The following ACSM3 variants were observed in gnomAD, a reference collection of about 807,000 sequenced individuals.
The protein encoded by ACSM3 is acyl-CoA synthetase medium chain family member 3, also known as acyl-coenzyme A synthetase ACSM3, mitochondrial.
Under a neutral mutation model 74.1 loss-of-function variants are expected in ACSM3, and 61 were observed. The ratio of observed to expected loss-of-function variants is 0.82; its 90% CI spans 0.67 to 1.02. The LOEUF (loss-of-function observed/expected upper bound fraction) is 1.02, where lower values mean the gene tolerates loss of function less well. Among genes scored for constraint, ACSM3 ranks in the 50% least tolerant of loss-of-function variants. ACSM3 has a pLI of 0.00. For synonymous variants in ACSM3, 213 were observed against 241.5 expected, an observed-to-expected ratio of 0.88 and a Z score of 1.09; for missense variants, 660 against 697.0, an observed-to-expected ratio of 0.95 and a Z score of 0.60.
At chr16:20,675,294 G>A (rs1229862832) in intron 1 of ACSM3, among the ~76,000 whole-genome samples, 2 of 152,178 alleles carry the variant, frequency 1.3e-5, no homozygotes, top group Non-Finnish European at 2.9e-5. Context: ...GGTCTCAGGA[G>A]AGGCCAATGC....
intron 1 of ACSM3, among the ~76,000 whole-genome samples, chr16:20,709,574 T>C (rs2079737900): frequency 6.6e-6 from 1 of 152,266 alleles, no homozygotes; most frequent in Non-Finnish European, 1.5e-5. Flanking sequence ...CCACGGATAC[T>C]AATTATTTAT....
chr16:20,788,065 T>C (rs1046948903), intron 9 of ACSM3, among the ~76,000 whole-genome samples: 1 of 152,208 alleles, frequency 6.6e-6, no homozygotes, highest in Non-Finnish European at 1.5e-5. Flanking sequence ...ATGGGTACTG[T>C]TATTTACTTC....
intron 1 of ACSM3, among the ~76,000 whole-genome samples, chr16:20,696,882 G>C (rs543670472): frequency 6.6e-6 from 1 of 152,204 alleles, no homozygotes; most frequent in African/African-American, 2.4e-5. Flanking sequence ...GTTTGTCTCT[G>C]TTGTCTAGCA....
intron 1 of ACSM3, among the ~76,000 whole-genome samples, chr16:20,689,717 C>T (rs1348707429): frequency 1.3e-5 from 2 of 152,184 alleles, no homozygotes; most frequent in East Asian, 3.8e-4. Flanking sequence ...CATTCACCTC[C>T]TCCTTTTACT....
intron 1 of ACSM3, chr16:20,741,506 T>A: frequency 9.2e-6 from 3 of 327,702 alleles, no homozygotes; most frequent in Admixed American, 5.2e-5. Context: ...CCGGGACCGG[T>A]ACCTTTTCTG....
At chr16:20,793,742 T>TG (rs2080657156) in intron 12 of ACSM3, among the ~76,000 whole-genome samples, 1 of 152,164 alleles carries the variant, frequency 6.6e-6, no homozygotes, top group South Asian at 2.1e-4. Context: ...CAGTCAGTGA[T>TG]TATTGGCTTG....
At chr16:20,738,496 G>A (rs11074472) in intron 1 of ACSM3, among the ~76,000 whole-genome samples, 10 of 151,988 alleles carry the variant, frequency 6.6e-5, no homozygotes, top group African/African-American at 1.2e-4. Flanking sequence ...GGGCTGCTCC[G>A]AAAATTTGTA....
chr16:20,696,533 T>G (rs1228034307), intron 1 of ACSM3, among the ~76,000 whole-genome samples: 1 of 152,234 alleles, frequency 6.6e-6, no homozygotes, highest in Non-Finnish European at 1.5e-5. Context: ...TCTCAAGTAT[T>G]TACTATAGAT....
chr16:20,690,895 G>A lies in ACSM3; in HGVS notation c.-190+16073G>A, dbSNP rs181929869. On this transcript the variant is annotated intron_variant, in intron 1 of 3. Coordinates refer to the ACSM3 transcript ENST00000561584. ...TCTTCCACAACACTGATAAGTTGAG[G>A]CAGAAGTAACTTTGGTTCCATACCT... 3 of 1,130,332 alleles carry A rather than the reference G, an allele frequency of 2.7e-6. No individual in the cohort carries two copies. The East Asian group carries it at 8.0e-5, about 30-fold the overall frequency. The allele number at this position is 1,130,332 out of a possible 1,614,324, so 70.0% of individuals were successfully genotyped here.
At chr16:20,711,806 G>T in intron 1 of ACSM3, 1 of 331,720 alleles carries the variant, frequency 3.0e-6, no homozygotes, top group Non-Finnish European at 5.9e-6. Flanking sequence ...ACTCGGAAAA[G>T]AATTACCTAA....
In ACSM3 at chr16:20,796,351, T is replaced by G. The variant is rs1344354226; in HGVS notation, c.1555-19T>G. ...AAATGCATAACTCATTTTCCTGGTGTTTCAAATATTTATTTTAGGTAGTAA... is the reference window on the plus strand; with the variant it reads ...AAATGCATAACTCATTTTCCTGGTGGTTCAAATATTTATTTTAGGTAGTAA... On this transcript the variant is annotated intron_variant, in intron 12 of 13. Coordinates refer to ENST00000289416, the MANE Select transcript of ACSM3 (RefSeq NM_005622.4). The G allele has an allele frequency of 6.2e-7, 1 of 1,601,536 alleles. No homozygotes were observed. The highest frequency in any genetic ancestry group is 1.8e-5 in the Admixed American group (1 of 55,672).
intron 9 of ACSM3, among the ~76,000 whole-genome samples, chr16:20,789,977 A>T (rs1457489621): frequency 6.6e-6 from 1 of 151,832 alleles, no homozygotes; most frequent in Non-Finnish European, 1.5e-5. Flanking sequence ...CCCAGCCAGC[A>T]ATCCTATTTT....
At chr16:20,761,064 TG>T (rs1292058377), upstream of ACSM3, among the ~76,000 whole-genome samples, 6 of 152,200 alleles carry the variant, frequency 3.9e-5, no homozygotes, top group Admixed American at 3.9e-4. Context: ...TCCTTTGAGA[TG>T]TCCCAACTTT....
chr16:20,760,886 T>C (rs1406547188), upstream of ACSM3, among the ~76,000 whole-genome samples: 1 of 147,128 alleles, frequency 6.8e-6, no homozygotes, highest in Non-Finnish European at 1.5e-5. Flanking sequence ...TGAGGCCTGC[T>C]ACCTGGAGGC....
intron 1 of ACSM3, among the ~76,000 whole-genome samples, chr16:20,693,919 A>G (rs111601937): frequency 0.12 from 18,432 of 152,272 alleles, 1,251 homozygotes; most frequent in East Asian, 0.21. Flanking sequence ...ACTTCTCTTA[A>G]AAGCAAAATT....
At chr16:20,717,886 GGGA>G (rs2152386925) in intron 1 of ACSM3, among the ~76,000 whole-genome samples, 1 of 147,298 alleles carries the variant, frequency 6.8e-6, no homozygotes, top group East Asian at 2.0e-4. Context: ...GAAGGAGAAG[GGGA>G]AGAAGGAGAA....
At chr16:20,715,779 C>T (rs1046395962) in intron 1 of ACSM3, among the ~76,000 whole-genome samples, 1 of 152,148 alleles carries the variant, frequency 6.6e-6, no homozygotes, top group Non-Finnish European at 1.5e-5. Flanking sequence ...TATCAGTTAC[C>T]CATCACTGAG....
chr16:20,785,183 C>T, intron 8 of ACSM3, 76 bp downstream of exon 8: 2 of 1,570,094 alleles, frequency 1.3e-6, no homozygotes, highest in Non-Finnish European at 1.7e-6. Flanking sequence ...TCCACAGTCT[C>T]CTTATGATTA....
At chr16:20,725,859 G>A (rs2079803093) in intron 1 of ACSM3, among the ~76,000 whole-genome samples, 1 of 152,134 alleles carries the variant, frequency 6.6e-6, no homozygotes, top group Non-Finnish European at 1.5e-5. Flanking sequence ...TGTAATCCCA[G>A]CCTCTTTGGA....
Sources: gnomAD v4.1 joint callset for allele counts (sites outside exome capture counted in the v4.1 genomes callset) on GRCh38, gnomAD v4.1.1 for gene constraint, MANE v1.5 for transcripts, NCBI Gene and HGNC (gene_info 2026-07-23, HGNC 2026-07-21) for gene names.